Variants in NAALADL2 observed in about 807,000 individuals in gnomAD.
NAALADL2 encodes the protein inactive N-acetylated-alpha-linked acidic dipeptidase-like protein 2.
In NAALADL2, 76 loss-of-function variants were observed where a neutral mutation model predicts 87.2. That is an observed-to-expected ratio of 0.87 (90% CI 0.72 to 1.05). NAALADL2 has a LOEUF of 1.05. NAALADL2 is among the 50% of genes least tolerant of loss of function. The pLI, the probability that NAALADL2 is intolerant of heterozygous loss-of-function variation, is 0.00. For missense variants in NAALADL2, 1,089 were observed against 945.8 expected (o/e 1.15, Z -1.99); for synonymous variants, 354 against 331.0 (o/e 1.07, Z -0.75).
intron 4 of NAALADL2, among the ~76,000 whole-genome samples, chr3:175,263,085 T>A (rs1463532): frequency 6.6e-6 from 1 of 151,768 alleles, no homozygotes; most frequent in Non-Finnish European, 1.5e-5. Context: ...GACAACATGG[T>A]CAGCACTAGA....
At chr3:175,783,782 G>C (rs1751502574) in intron 13 of NAALADL2, among the ~76,000 whole-genome samples, 1 of 150,360 alleles carries the variant, frequency 6.7e-6, no homozygotes, top group South Asian at 2.1e-4. Flanking sequence ...TCTTGTGCCA[G>C]TTTTCAAAGG....
chr3:174,882,477 GCATA>G (rs1560317795), intron 1 of NAALADL2, among the ~76,000 whole-genome samples: 1 of 149,668 alleles, frequency 6.7e-6, no homozygotes, highest in Admixed American at 6.6e-5. Context: ...ATATGTGTAT[GCATA>G]CATATGTGCA....
chr3:175,195,237 A>C (rs901702864), intron 2 of NAALADL2, among the ~76,000 whole-genome samples: 1 of 151,854 alleles, frequency 6.6e-6, no homozygotes, highest in African/African-American at 2.4e-5. Flanking sequence ...ACTGTGTGCC[A>C]GGTATTGCTC....
Position 174,943,011 on chromosome 3 carries a change from C to G in NAALADL2, c.43+83561C>G, listed in dbSNP as rs186833593. Among the ~76,000 whole-genome samples, 471 of 152,250 alleles carry G rather than the reference C, an allele frequency of 3.1e-3. 7 individuals carry two copies. The highest frequency in any genetic ancestry group is 2.7e-3 in the Non-Finnish European group (181 of 68,018). On this transcript the variant is annotated intron_variant, in intron 1 of 13. Coordinates refer to ENST00000454872, the MANE Select transcript of NAALADL2 (RefSeq NM_207015.3). ...AATCTCAATGATCTTTGTTTCTATA[C>G]GTATTCCAAATTCTATTTCTGTCAT...
intron 1 of NAALADL2, among the ~76,000 whole-genome samples, chr3:174,467,976 T>G (rs1374618606): frequency 6.6e-6 from 1 of 152,164 alleles, no homozygotes; most frequent in Non-Finnish European, 1.5e-5. Context: ...ATGGTAAAGG[T>G]TAAGACAAAA....
intron 1 of NAALADL2, among the ~76,000 whole-genome samples, chr3:174,922,822 G>C (rs1335221859): frequency 6.6e-6 from 1 of 152,078 alleles, no homozygotes; most frequent in Non-Finnish European, 1.5e-5. Flanking sequence ...ATATGAATAT[G>C]ATATCAAGAC....
chr3:175,109,316 C>T (rs1400607709), intron 2 of NAALADL2, among the ~76,000 whole-genome samples: 3 of 151,790 alleles, frequency 2.0e-5, no homozygotes, highest in Admixed American at 2.0e-4. Context: ...TTAAAGGTCT[C>T]TTTTAATGCA....
intron 2 of NAALADL2, among the ~76,000 whole-genome samples, chr3:175,126,225 T>C (rs1031608850): frequency 2.0e-5 from 3 of 151,886 alleles, no homozygotes; most frequent in Admixed American, 6.6e-5. Context: ...GAATTGGAGA[T>C]AGGAAGAACA....
At chr3:175,076,117 A>G (rs1286492506) in intron 1 of NAALADL2, among the ~76,000 whole-genome samples, 1 of 152,108 alleles carries the variant, frequency 6.6e-6, no homozygotes, top group Non-Finnish European at 1.5e-5. Flanking sequence ...AATCCCAGCT[A>G]CTTGGGAAGC....
intron 1 of NAALADL2, among the ~76,000 whole-genome samples, chr3:175,058,104 A>G (rs1211279548): frequency 6.6e-6 from 1 of 152,202 alleles, no homozygotes; most frequent in Admixed American, 6.5e-5. Context: ...CAATTTGGTA[A>G]ACTTCTATTA....
At chr3:175,782,550 GTTGT>G (rs1198672585) in intron 13 of NAALADL2, among the ~76,000 whole-genome samples, 17 of 142,668 alleles carry the variant, frequency 1.2e-4, no homozygotes, top group South Asian at 6.6e-4. Context: ...TTTTGATGGG[GTTGT>G]TTGTTTTTTT....
chr3:174,812,564 A>G (rs1720337664), intron 3 of NAALADL2, among the ~76,000 whole-genome samples: 1 of 152,176 alleles, frequency 6.6e-6, no homozygotes, highest in Non-Finnish European at 1.5e-5. Context: ...AAAAATAAAA[A>G]ACAAAGTTAA....
chr3:175,083,459 A>C, intron 1 of NAALADL2, among the ~76,000 whole-genome samples: 1 of 152,190 alleles, frequency 6.6e-6, no homozygotes, highest in East Asian at 1.9e-4. Flanking sequence ...AATATTAATA[A>C]CTAGTACTTA....
chr3:175,321,431 C>T (rs1378981118), intron 4 of NAALADL2, among the ~76,000 whole-genome samples: 3,972 of 106,386 alleles, frequency 0.037, 539 homozygotes, highest in African/African-American at 0.18. Context: ...TTGCACAAGA[C>T]AGGGATGCCC....
At chr3:175,176,380 T>C (rs907080467) in intron 2 of NAALADL2, among the ~76,000 whole-genome samples, 2 of 152,134 alleles carry the variant, frequency 1.3e-5, no homozygotes, top group African/African-American at 2.4e-5. Context: ...TTCAAGATGA[T>C]ATATTTTAGG....
chr3:174,858,858 T>C (rs142932261), upstream of NAALADL2, among the ~76,000 whole-genome samples: 540 of 152,080 alleles, frequency 3.6e-3, 3 homozygotes, highest in Middle Eastern at 0.02. Flanking sequence ...AAAGAAGTTA[T>C]ATTCTTTGCT....
chr3:175,119,882 A>G lies in NAALADL2; in HGVS notation c.545+22591A>G, dbSNP rs567333545. The stretch of plus-strand genomic sequence containing the variant: ...TAAGTGTGTATGTGTATGTGTATAT[A>G]TATACATATATATATATATAAAGAA... On this transcript the variant is annotated intron_variant, in intron 2 of 13. Coordinates refer to ENST00000454872, the MANE Select transcript of NAALADL2 (RefSeq NM_207015.3). Among the ~76,000 whole-genome samples, 27 of 116,902 alleles carry G rather than the reference A, an allele frequency of 2.3e-4. No individual in the cohort carries two copies. The South Asian group carries it at 6.9e-3, about 30-fold the overall frequency. 76.7% of individuals were successfully genotyped at this position (116,902 alleles called of 152,430 possible).
At chr3:175,790,071 TACTTACTAGGATTGGCTA>T (rs1310792318) in intron 13 of NAALADL2, among the ~76,000 whole-genome samples, 21 of 152,166 alleles carry the variant, frequency 1.4e-4, no homozygotes, top group Non-Finnish European at 2.8e-4. Flanking sequence ...AATTTCAAAA[TACTTACTAGGATTGGCTA>T]ACTTAATTAC....
upstream of NAALADL2, among the ~76,000 whole-genome samples, chr3:174,856,067 T>C (rs757679137): frequency 2.6e-5 from 4 of 151,610 alleles, no homozygotes; most frequent in Non-Finnish European, 5.9e-5. Flanking sequence ...AGTCCAGTGG[T>C]ATGATCATAG....
Sources: gnomAD v4.1 joint callset for allele counts (sites outside exome capture counted in the v4.1 genomes callset) on GRCh38, gnomAD v4.1.1 for gene constraint, MANE v1.5 for transcripts, NCBI Gene and HGNC (gene_info 2026-07-23, HGNC 2026-07-21) for gene names.